STK31: variants seen among roughly 807,000 people sequenced by gnomAD.
STK31 encodes the protein serine/threonine kinase 31.
Under a neutral mutation model 129.7 loss-of-function variants are expected in STK31, and 89 were observed. That is an observed-to-expected ratio of 0.69 (90% confidence interval 0.58 to 0.82). The LOEUF is 0.82. Among genes scored for constraint, STK31 ranks in the 40% least tolerant of loss-of-function variants. The pLI is 0.00. For missense variants in STK31, 1,187 were observed against 1,176.4 expected, an observed-to-expected ratio of 1.01 and a Z score of -0.13; for synonymous variants, 448 against 395.3, an observed-to-expected ratio of 1.13 and a Z score of -1.58.
intron 17 of STK31, among the ~76,000 whole-genome samples, chr7:23,784,088 G>A (rs939729050): frequency 2.6e-5 from 4 of 152,162 alleles, no homozygotes; most frequent in African/African-American, 7.2e-5. Flanking sequence ...AGGTAGAGAT[G>A]TTGAGGTGGG....
intron 3 of STK31, among the ~76,000 whole-genome samples, chr7:23,712,573 G>T (rs905467149): frequency 6.6e-6 from 1 of 152,156 alleles, no homozygotes; most frequent in Non-Finnish European, 1.5e-5. Context: ...GCTTTTGCTG[G>T]ATTCTGAGAG....
chr7:23,769,194 G>T lies in STK31; in HGVS notation c.1596+20G>T, dbSNP rs774458992. 1.3e-6 allele frequency: 2 copies of T among 1,514,418 alleles called. No homozygotes were observed. The highest frequency in any genetic ancestry group is 1.8e-6 in the Non-Finnish European group (2 of 1,135,750). 93.8% of individuals were successfully genotyped at this position (1,514,418 alleles called of 1,614,324 possible). On this transcript the variant is annotated intron_variant, in intron 12 of 23. Transcript: ENST00000355870. ...TTAAAGGTAATAAAAGCTCCTGCCC[G>T]GTTGTGTTTGTAGCATAAACCAGGG...
At chr7:23,778,111 A>G (rs1444341351) in intron 15 of STK31, among the ~76,000 whole-genome samples, 1 of 152,166 alleles carries the variant, frequency 6.6e-6, no homozygotes, top group Non-Finnish European at 1.5e-5. Flanking sequence ...GTTTGGCTGG[A>G]TATGAAATTC....
intron 22 of STK31, among the ~76,000 whole-genome samples, chr7:23,804,936 A>G (rs1169281918): frequency 6.6e-6 from 1 of 151,930 alleles, no homozygotes; most frequent in East Asian, 1.9e-4. Context: ...TCATTCTTGG[A>G]CCCTATCATA....
At chr7:23,766,987 C>G (rs1227031463) in intron 11 of STK31, among the ~76,000 whole-genome samples, 1 of 152,166 alleles carries the variant, frequency 6.6e-6, no homozygotes, top group African/African-American at 2.4e-5. Flanking sequence ...AATCCTCTAG[C>G]TGTGTCCCTT....
At chr7:23,827,419 A>G (rs932124182) in intron 23 of STK31, among the ~76,000 whole-genome samples, 4 of 151,458 alleles carry the variant, frequency 2.6e-5, no homozygotes, top group African/African-American at 9.7e-5. Flanking sequence ...TTCGTCATGT[A>G]TTTCTCGTGC....
chr7:23,747,362 AT>A (rs1453129377), intron 8 of STK31, among the ~76,000 whole-genome samples: 1 of 93,202 alleles, frequency 1.1e-5, no homozygotes, highest in Admixed American at 1.2e-4. Context: ...GTCTGTTCAG[AT>A]TATTTTTTTA....
chr7:23,753,617 G>T (rs1788859645), intron 9 of STK31, among the ~76,000 whole-genome samples: 2 of 152,182 alleles, frequency 1.3e-5, no homozygotes, highest in Admixed American at 1.3e-4. Flanking sequence ...AGCCCACTAC[G>T]TTTGTTATTG....
chr7:23,727,422 C>T (rs1286585504), intron 5 of STK31, 107 bp downstream of exon 5: 15 of 853,940 alleles, frequency 1.8e-5, no homozygotes, highest in Non-Finnish European at 2.5e-5. Context: ...GTACTGATAC[C>T]TGGTTCAGTG....
intron 8 of STK31, among the ~76,000 whole-genome samples, chr7:23,740,737 C>A (rs1445924969): frequency 6.6e-6 from 1 of 152,084 alleles, no homozygotes; most frequent in African/African-American, 2.4e-5. Context: ...TGAGTGAGAA[C>A]ATGCGGTGTT....
At chr7:23,827,312 C>T (rs1238857554) in intron 23 of STK31, among the ~76,000 whole-genome samples, 1 of 152,038 alleles carries the variant, frequency 6.6e-6, no homozygotes, top group African/African-American at 2.4e-5. Context: ...ATTCTTTTTT[C>T]TCTAAACTTC....
At chr7:23,748,836 A>G (rs186323824) in intron 8 of STK31, among the ~76,000 whole-genome samples, 43 of 152,364 alleles carry the variant, frequency 2.8e-4, no homozygotes, top group Middle Eastern at 3.4e-3. Flanking sequence ...GGCTATTAGT[A>G]ATTAGCTTTC....
At chr7:23,718,258 A>G (rs745577544) in intron 4 of STK31, among the ~76,000 whole-genome samples, 4 of 152,216 alleles carry the variant, frequency 2.6e-5, no homozygotes, top group Non-Finnish European at 5.9e-5. Flanking sequence ...TGAACAAACT[A>G]GATTCCTTGC....
chr7:23,805,429 G>A (rs1792639473), intron 22 of STK31, among the ~76,000 whole-genome samples: 1 of 152,070 alleles, frequency 6.6e-6, no homozygotes, highest in Non-Finnish European at 1.5e-5. Context: ...CTTTTTTAAA[G>A]GCATTACATT....
In STK31 at chr7:23,810,598, T is replaced by G. The variant is rs546329780; in HGVS notation, c.2761-4546T>G. 2.9e-4 allele frequency among the ~76,000 whole-genome samples: 39 copies of G among 134,280 alleles called. No individual in the cohort carries two copies. In the East Asian group the frequency reaches 7.4e-3, roughly 26 times the overall value. The allele number at this position is 134,280 out of a possible 152,430, so 88.1% of individuals were successfully genotyped here. A position where few individuals can be genotyped will look rare whatever the true frequency, so the allele number is the denominator to read the frequency against. Reference sequence around the variant, plus strand: ...TTGAAAAAATTTTAAGAGTCCATCTTTTTATATATATATATATATAATATA... The same window carrying G: ...TTGAAAAAATTTTAAGAGTCCATCTGTTTATATATATATATATATAATATA... On this transcript the variant is annotated intron_variant, in intron 22 of 23. Coordinates refer to ENST00000355870, the MANE Select transcript of STK31 (RefSeq NM_031414.5).
chr7:23,712,376 C>G, intron 3 of STK31, 90 bp downstream of exon 3: 1 of 1,218,934 alleles, frequency 8.2e-7, no homozygotes, highest in Non-Finnish European at 1.2e-6. Context: ...GGAATAAATA[C>G]ATTTGTCATT....
Position 23,717,579 on chromosome 7 carries a change from G to C in STK31, c.249G>C (p.Lys83Asn). The C allele has an allele frequency of 5.6e-6, 9 of 1,607,606 alleles. No individual in the cohort carries two copies. Among genetic ancestry groups the C allele is most frequent in the Non-Finnish European group, 7.7e-6 (9 of 1,175,366 alleles). Residue 83 changes from lysine to asparagine, a missense_variant and splice_region_variant, in exon 4 of 24, where the codon AAG (lysine) becomes AAC (asparagine). Around this residue, in one of 5 missense-constraint regions of STK31, gnomAD observed 104 missense variants for 98.3 expected, o/e 1.06. Transcript: ENST00000355870. ...SSVLGNLDPN[K>N]IYGGLFSEDQ... Reference sequence around the variant, plus strand: ...TTTTGGGGAATCTTGACCCAAACAAGGTGAGCCATATTCTTGAATATAATT... The same window carrying C: ...TTTTGGGGAATCTTGACCCAAACAACGTGAGCCATATTCTTGAATATAATT...
At chr7:23,774,773 T>C (rs969533429) in intron 15 of STK31, among the ~76,000 whole-genome samples, 1 of 152,232 alleles carries the variant, frequency 6.6e-6, no homozygotes, top group African/African-American at 2.4e-5. Flanking sequence ...AGAAGCTCTT[T>C]AGTTTAATTA....
chr7:23,827,832 G>T (rs1433413155), intron 23 of STK31, among the ~76,000 whole-genome samples: 1 of 152,196 alleles, frequency 6.6e-6, no homozygotes, highest in Non-Finnish European at 1.5e-5. Context: ...CTCTGCTGCA[G>T]GTCTGTTGTA....
Sources: allele counts gnomAD v4.1 joint callset (sites outside exome capture counted in the v4.1 genomes callset), GRCh38; gene constraint gnomAD v4.1.1; regional missense constraint gnomAD v4.1.1; transcripts MANE v1.5; gene names NCBI Gene and HGNC (gene_info 2026-07-23, HGNC 2026-07-21).